Variants in ARHGAP27 observed in about 807,000 individuals in gnomAD.
ARHGAP27 encodes rho GTPase-activating protein 27.
In ARHGAP27, 53 loss-of-function variants were observed where a neutral mutation model predicts 102.0. The ratio of observed to expected loss-of-function variants is 0.52; its 90% CI spans 0.42 to 0.65. ARHGAP27 has a LOEUF of 0.65. ARHGAP27 is among the 30% of genes least tolerant of loss of function. The pLI is 0.00. For synonymous variants in ARHGAP27, 525 were observed against 542.8 expected, an observed-to-expected ratio of 0.97 and a Z score of 0.46; for missense variants, 1,117 against 1,256.2, an observed-to-expected ratio of 0.89 and a Z score of 1.68.
intron 4 of ARHGAP27, among the ~76,000 whole-genome samples, chr17:45,422,289 G>T (rs2049108048): frequency 6.6e-6 from 1 of 151,668 alleles, no homozygotes; most frequent in Non-Finnish European, 1.5e-5. Flanking sequence ...TGGCACGTGG[G>T]CCATGTGGTC....
intron 4 of ARHGAP27, among the ~76,000 whole-genome samples, chr17:45,413,029 G>A (rs984368291): frequency 5.1e-5 from 7 of 138,516 alleles, no homozygotes; most frequent in African/African-American, 1.9e-4. Context: ...ACCCAGGCTG[G>A]GGTGCAGTGG....
chr17:45,395,276 AT>A lies in ARHGAP27; in HGVS notation c.*179del. The A allele has an allele frequency of 1.4e-6, 1 of 709,902 alleles. No homozygotes were observed. Among genetic ancestry groups the A allele is most frequent in the Non-Finnish European group, 2.2e-6 (1 of 444,818 alleles). The allele number at this position is 709,902 out of a possible 1,614,324, so 44.0% of individuals were successfully genotyped here. A position where few individuals can be genotyped will look rare whatever the true frequency, so the allele number is the denominator to read the frequency against. ...TGGGGAGTTGGGAAGAAGGAATCAC[AT>A]TTTGCAAACTGCCCACTAGGGGTCA... On this transcript the variant is annotated 3_prime_UTR_variant, in exon 20 of 20. Coordinates refer to ENST00000685559, the MANE Select transcript of ARHGAP27 (RefSeq NM_001282290.2).
chr17:45,404,605 G>A lies in ARHGAP27; in HGVS notation c.1325C>T (p.Pro442Leu). ...CCCCTTTCCCCAGGTTGTTACCTGG[G>A]GCAGCTCCCATCGAACAGAGGAGTC... ...PEDSSVRWEL[P>L]QVPVPAPRSI... The change falls in exon 7 of 20, where the codon CCC (proline) becomes CTC (leucine). Residue 442 changes from proline to leucine, a missense_variant. By Grantham distance (98) the Pro-to-Leu change is moderately conservative (BLOSUM62 -3). This residue lies in a region of ARHGAP27 where 610 missense variants were observed against 716.4 expected (regional missense o/e 0.85). Transcript: ENST00000685559. 1.9e-6 allele frequency: 3 copies of A among 1,613,996 alleles called. No individual in the cohort carries two copies. The highest frequency in any genetic ancestry group is 2.5e-6 in the Non-Finnish European group (3 of 1,179,942).
At position 45,396,532 on chromosome 17, in the gene ARHGAP27, C is replaced by A. The variant is rs562893433; in HGVS notation, c.2128G>T (p.Val710Leu). The change falls in exon 16 of 20, where the codon GTG becomes TTG. Residue 710 changes from valine to leucine, a missense_variant. Coordinates refer to ENST00000685559, the MANE Select transcript of ARHGAP27 (RefSeq NM_001282290.2). The stretch of plus-strand genomic sequence containing the variant: ...ATGCACTGCTGCACGAAGCGTGGCA[C>A]CCGGCTCCTCTCGCGCTCACACAGC... ...AALCERERSR[V>L]PRFVQQCIRA... 1 of 1,586,370 alleles carries A rather than the reference C, an allele frequency of 6.3e-7. No homozygotes were observed. Among genetic ancestry groups the A allele is most frequent in the African/African-American group, 1.3e-5 (1 of 74,658 alleles).
At chr17:45,429,414 T>C in intron 4 of ARHGAP27, 2 of 1,386,840 alleles carry the variant, frequency 1.4e-6, no homozygotes, top group East Asian at 2.9e-5. Flanking sequence ...TCCAGGGAGC[T>C]TTGGAGCTTG....
At chr17:45,414,704 C>T (rs1195874255) in intron 4 of ARHGAP27, among the ~76,000 whole-genome samples, 1 of 149,170 alleles carries the variant, frequency 6.7e-6, no homozygotes, top group Non-Finnish European at 1.5e-5. Context: ...CCACCTCAGC[C>T]TCCCAAAGTG....
chr17:45,429,082 C>T (rs1028114175), intron 4 of ARHGAP27, among the ~76,000 whole-genome samples: 1 of 152,236 alleles, frequency 6.6e-6, no homozygotes, highest in Non-Finnish European at 1.5e-5. Context: ...TTCACATCCA[C>T]CCTCTCATCT....
chr17:45,424,440 T>C (rs2144993982), intron 4 of ARHGAP27, among the ~76,000 whole-genome samples: 1 of 152,188 alleles, frequency 6.6e-6, no homozygotes, highest in South Asian at 2.1e-4. Context: ...CTCGACCACA[T>C]CCCTGATCAT....
chr17:45,399,145 G>C (rs2046112641), intron 12 of ARHGAP27, among the ~76,000 whole-genome samples: 1 of 152,172 alleles, frequency 6.6e-6, no homozygotes, highest in Admixed American at 6.5e-5. Flanking sequence ...ATGTTTGGCG[G>C]CAACAGCTCA....
chr17:45,400,082 C>T (rs963075243), intron 12 of ARHGAP27, among the ~76,000 whole-genome samples: 7 of 152,080 alleles, frequency 4.6e-5, no homozygotes, highest in African/African-American at 1.7e-4. Flanking sequence ...AGCATCACTT[C>T]AGTCCAGGAG....
chr17:45,426,359 G>T (rs533914308), intron 4 of ARHGAP27, among the ~76,000 whole-genome samples: 6 of 152,160 alleles, frequency 3.9e-5, no homozygotes, highest in Non-Finnish European at 5.9e-5. Context: ...CTTTGGGACT[G>T]CATCTTACCA....
rs772027234 is a variant in ARHGAP27, at chr17:45,405,678, G to A, written c.1063C>T (p.Arg355Trp). ...CCCACTCTGGCCCTGCCCCTCACCC[G>A]CGGGTCCCCTGGGCTGCCAGGGCTC... ...GLSPGSPGDP[R>W]PPTPETDYPE... The change falls in exon 5 of 20, where the codon CGG becomes TGG. Residue 355 changes from arginine to tryptophan, a missense_variant and splice_region_variant. Physicochemically the swap from Arg to Trp is moderately radical, Grantham distance 101. Coordinates refer to ENST00000685559, the MANE Select transcript of ARHGAP27 (RefSeq NM_001282290.2). 6.3e-7 allele frequency: 1 copy of A among 1,588,054 alleles called. No homozygotes were observed. Among genetic ancestry groups the A allele is most frequent in the Non-Finnish European group, 8.5e-7 (1 of 1,170,650 alleles).
intron 4 of ARHGAP27, chr17:45,429,350 C>T (rs2049872470): frequency 2.4e-5 from 29 of 1,183,982 alleles, no homozygotes; most frequent in South Asian, 1.5e-4. Context: ...AGCAGCCTCA[C>T]ATCAGTTCAA....
intron 4 of ARHGAP27, among the ~76,000 whole-genome samples, chr17:45,411,796 C>CAA (rs1491297829): frequency 1.2e-5 from 1 of 80,784 alleles, no homozygotes; most frequent in African/African-American, 5.3e-5. Context: ...GATGAGGACT[C>CAA]ACACACACAC....
At chr17:45,416,696 C>G (rs954843825) in intron 4 of ARHGAP27, among the ~76,000 whole-genome samples, 3 of 151,166 alleles carry the variant, frequency 2.0e-5, no homozygotes, top group Non-Finnish European at 4.4e-5. Flanking sequence ...CACAGGCGCC[C>G]ACCACCACAC....
At position 45,405,997 on chromosome 17, in the gene ARHGAP27, G is replaced by A. The variant is rs1448381556; in HGVS notation, c.744C>T (p.Pro248=). Residue 248 remains proline (P), a synonymous_variant, in exon 5 of 20, where the codon CCC becomes CCT. Transcript: ENST00000685559. ...CCGTGTGCGTCTCCCACACCGGGCT[G>A]GGAAGGGGGGCTGCAGCGGCGCCCG... The part of the protein sequence containing the change: ...TSPGAAAAPL[P]SPVWETHTDA... 1.3e-6 allele frequency: 2 copies of A among 1,535,454 alleles called. No individual in the cohort carries two copies. Among genetic ancestry groups the A allele is most frequent in the African/African-American group, 1.4e-5 (1 of 73,086 alleles).
In ARHGAP27 at chr17:45,427,055, T is replaced by A. The variant is rs536264251; in HGVS notation, c.657+2568A>T. 6.6e-6 allele frequency among the ~76,000 whole-genome samples: 1 copy of A among 152,250 alleles called. No homozygotes were observed. The highest frequency in any genetic ancestry group is 2.4e-5 in the African/African-American group (1 of 41,534). The stretch of plus-strand genomic sequence containing the variant: ...CCCCCGTCAGGAAGCAGCACCACTG[T>A]CTGCCCACGAGTGCCAGCTGGGAAT... On this transcript the variant is annotated intron_variant, in intron 4 of 19. Transcript: ENST00000685559. The surrounding 1 kb of genome is among the most constrained non-coding windows in gnomAD (Gnocchi z 4.5).
intron 12 of ARHGAP27, among the ~76,000 whole-genome samples, chr17:45,402,198 G>C (rs2046522101): frequency 6.6e-6 from 1 of 152,144 alleles, no homozygotes; most frequent in South Asian, 2.1e-4. Context: ...GGGAGAAAGA[G>C]GTTTCCCAAC....
At chr17:45,404,710 C>A in intron 6 of ARHGAP27, 29 bp from the exon 7 acceptor site, 1 of 1,596,890 alleles carries the variant, frequency 6.3e-7, no homozygotes. Context: ...TCAGGGCCTC[C>A]AGCCCAGCTT....
Sources: allele counts gnomAD v4.1 joint callset (sites outside exome capture counted in the v4.1 genomes callset), GRCh38; gene constraint gnomAD v4.1.1; regional missense constraint gnomAD v4.1.1; non-coding constraint Gnocchi (gnomAD v3.1); transcripts MANE v1.5; gene names NCBI Gene and HGNC (gene_info 2026-07-23, HGNC 2026-07-21).